Variants in CKAP5 observed in about 807,000 individuals in gnomAD.
CKAP5 encodes the protein cytoskeleton-associated protein 5.
A neutral mutation model predicts 232.8 loss-of-function variants in CKAP5; 27 were observed. The ratio of observed to expected loss-of-function variants is 0.12; its 90% confidence interval spans 0.09 to 0.16. The LOEUF is 0.16. CKAP5 is among the 10% of genes least tolerant of loss of function. The pLI, the probability that CKAP5 is intolerant of heterozygous loss-of-function variation, is 1.00. For missense variants in CKAP5, 1,838 were observed against 2,424.7 expected (o/e 0.76, Z 5.08); for synonymous variants, 785 against 841.1 (o/e 0.93, Z 1.16).
intron 17 of CKAP5, 29 bp downstream of exon 17, chr11:46,784,459 T>C (rs994632477): frequency 6.4e-7 from 1 of 1,553,698 alleles, no homozygotes; most frequent in African/African-American, 1.4e-5. Flanking sequence ...TTGGGAAAAC[T>C]AGAGGAATAA....
intron 42 of CKAP5, among the ~76,000 whole-genome samples, chr11:46,748,694 G>A (rs749460206): frequency 1.3e-5 from 2 of 151,884 alleles, no homozygotes; most frequent in Non-Finnish European, 2.9e-5. Context: ...GCTTAAACCC[G>A]GGAGGTGGAG....
rs552811223 is a variant in CKAP5, at chr11:46,779,397, T to C, written c.2433+797A>G. 3.9e-5 allele frequency among the ~76,000 whole-genome samples: 6 copies of C among 152,234 alleles called. No homozygotes were observed. In the South Asian group the frequency reaches 1.2e-3, roughly 32 times the overall value. On this transcript the variant is annotated intron_variant, in intron 20 of 43. Transcript: ENST00000529230. The stretch of plus-strand genomic sequence containing the variant: ...ATCTGCCCGCCTTGGCCTCCCAAAG[T>C]GATGGGATTACAGGCGTGAGCCACC...
At chr11:46,777,325 T>C (rs1017953305) in intron 23 of CKAP5, 114 bp downstream of exon 23, 8 of 606,202 alleles carry the variant, frequency 1.3e-5, no homozygotes, top group Admixed American at 3.1e-5. Context: ...AATATTTTCA[T>C]CTTTATAAAG....
intron 23 of CKAP5, among the ~76,000 whole-genome samples, chr11:46,776,618 A>AAATT (rs1184217714): frequency 5.3e-5 from 8 of 152,232 alleles, no homozygotes; most frequent in African/African-American, 1.9e-4. Flanking sequence ...TAATCAGGCA[A>AAATT]AACAGTGAGT....
intron 8 of CKAP5, among the ~76,000 whole-genome samples, chr11:46,805,925 G>A (rs1053640234): frequency 2.0e-5 from 3 of 151,992 alleles, no homozygotes; most frequent in Admixed American, 6.6e-5. Context: ...CAACAATAAC[G>A]AAACTCCATC....
chr11:46,840,700 CCTCACCCTATAT>C (rs1375842032), intron 1 of CKAP5, among the ~76,000 whole-genome samples: 1 of 152,190 alleles, frequency 6.6e-6, no homozygotes, highest in Non-Finnish European at 1.5e-5. Flanking sequence ...TTCCCCTATA[CCTCACCCTATAT>C]AGCTCTTTGT....
At position 46,803,063 on chromosome 11, in the gene CKAP5, A is replaced by C. The variant is rs895652910; in HGVS notation, c.979-1759T>G. Among the ~76,000 whole-genome samples the C allele has an allele frequency of 9.2e-5, 14 of 151,986 alleles. No individual in the cohort carries two copies. The East Asian group carries it at 2.4e-3, about 26-fold the overall frequency. ...AGGATCGCTTGAGCCCAGGAGTTCA[A>C]GACCAACCTGGGCAACATAGCGAAA... On this transcript the variant is annotated intron_variant, in intron 8 of 43. Transcript: ENST00000529230.
chr11:46,767,796 GTT>G, intron 26 of CKAP5, 133 bp from the exon 27 acceptor site: 2 of 485,770 alleles, frequency 4.1e-6, no homozygotes, highest in East Asian at 3.7e-5. Context: ...TTTTCAGTTA[GTT>G]TTTTTTTTAT....
chr11:46,781,041 C>T (rs534083400), intron 18 of CKAP5, among the ~76,000 whole-genome samples: 63 of 152,298 alleles, frequency 4.1e-4, no homozygotes, highest in African/African-American at 1.4e-3. Context: ...AGATTCACAT[C>T]ATCCAGCTGC....
chr11:46,752,643 C>G lies in CKAP5; in HGVS notation c.5125G>C (p.Val1709Leu), dbSNP rs768101459. ...TASSPKFSEL[V>L]MKCLWRMVRL... ...AATCATTTCAACTTCACCTTCATAA[C>G]AAGCTCTGAGAATTTGGGAGAACTG... The change falls in exon 38 of 44, where the codon GTT (valine) becomes CTT (leucine). Residue 1709 changes from valine to leucine, a missense_variant. Physicochemically the swap from Val to Leu is conservative, Grantham distance 32. This residue lies in a region of CKAP5 where 579 missense variants were observed against 843.2 expected (regional missense o/e 0.69). Coordinates refer to ENST00000529230, the MANE Select transcript of CKAP5 (RefSeq NM_001008938.4). 2.5e-6 allele frequency: 4 copies of G among 1,611,828 alleles called. No homozygotes were observed. In the South Asian group the frequency reaches 4.4e-5, roughly 18 times the overall value.
At chr11:46,829,018 T>C (rs931950119) in intron 1 of CKAP5, among the ~76,000 whole-genome samples, 1 of 152,250 alleles carries the variant, frequency 6.6e-6, no homozygotes, top group Non-Finnish European at 1.5e-5. Flanking sequence ...TTTTATACTA[T>C]TGTTTTTTAC....
At chr11:46,753,255 G>A in intron 37 of CKAP5, 55 bp downstream of exon 37, 3 of 1,410,456 alleles carry the variant, frequency 2.1e-6, no homozygotes, top group Middle Eastern at 1.9e-4. Context: ...TGGTTTCTAA[G>A]TGTAAACAAA....
chr11:46,761,526 G>A (rs2065155110), intron 32 of CKAP5, among the ~76,000 whole-genome samples: 1 of 152,104 alleles, frequency 6.6e-6, no homozygotes, highest in African/African-American at 2.4e-5. Context: ...AACTGAAGAC[G>A]GAGGTCCAGA....
chr11:46,820,965 A>G lies in CKAP5; in HGVS notation c.57+210T>C. 5.7e-6 allele frequency: 3 copies of G among 525,580 alleles called. No individual in the cohort carries two copies. The South Asian group carries it at 7.8e-5, about 14-fold the overall frequency. 32.6% of individuals were successfully genotyped at this position (525,580 alleles called of 1,614,324 possible). On this transcript the variant is annotated intron_variant, in intron 2 of 43. Transcript: ENST00000529230. ...ATACCACTTACTTTTCACTTCACTA[A>G]TATCTTTTCTTTGAATTCTTTCCAG...
chr11:46,744,649 C>T, intron 42 of CKAP5, 72 bp from the exon 43 acceptor site: 1 of 1,387,074 alleles, frequency 7.2e-7, no homozygotes, highest in East Asian at 2.3e-5. Flanking sequence ...TGGTTAATCT[C>T]CCACCAAAAA....
At chr11:46,811,199 A>G in intron 4 of CKAP5, 21 bp from the exon 5 acceptor site, 1 of 1,601,126 alleles carries the variant, frequency 6.2e-7, no homozygotes, top group Non-Finnish European at 8.5e-7. Context: ...AAAATTGGGA[A>G]AAAACTGTCA....
In CKAP5 at chr11:46,750,222, G is replaced by A. The variant is rs144924595; in HGVS notation, c.5704+52C>T. 5.2e-3 allele frequency: 8,130 copies of A among 1,562,042 alleles called. 38 individuals carry two copies. Among genetic ancestry groups the A allele is most frequent in the South Asian group, 7.9e-3 (676 of 85,280 alleles). On this transcript the variant is annotated intron_variant, in intron 42 of 43. Transcript: ENST00000529230. ...AAACTAACCAAAACTTCAGGTTCCT[G>A]TGCTAGGAGCTATTTTGAGCTTATT...
rs1165738671 is a variant in CKAP5, at chr11:46,762,726, G to A, written c.3928C>T (p.Arg1310Cys). The change falls in exon 31 of 44, where the codon CGT becomes TGT. Residue 1310 changes from arginine (R) to cysteine (C), a missense_variant. By Grantham distance (180) the Arg-to-Cys change is radical. Around this residue, in one of 6 missense-constraint regions of CKAP5, gnomAD observed 579 missense variants for 843.2 expected, o/e 0.69. Transcript: ENST00000529230. ...EPKDVIRKDVRAILNRMCLVY... is the reference protein window; with the variant it reads ...EPKDVIRKDVCAILNRMCLVY... ...AGGCACATCCGGTTCAGGATGGCAC[G>A]AACATCTTTACGAATGACATCCTTT... 1 of 1,613,804 alleles carries A rather than the reference G, an allele frequency of 6.2e-7. No individual in the cohort carries two copies. Among genetic ancestry groups the A allele is most frequent in the Non-Finnish European group, 8.5e-7 (1 of 1,179,744 alleles).
Position 46,784,558 on chromosome 11 carries a change from C to T in CKAP5, c.2084G>A (p.Cys695Tyr). ...CATAGCTTCTTTTGCATTGTTCCCACATTTCACATCTCCAATCTTGTCCAC... is the reference window on the plus strand; with the variant it reads ...CATAGCTTCTTTTGCATTGTTCCCATATTTCACATCTCCAATCTTGTCCAC... ...GLVDKIGDVK[C>Y]GNNAKEAMTA... The change falls in exon 17 of 44, where the codon TGT (cysteine) becomes TAT (tyrosine). Residue 695 changes from cysteine (C) to tyrosine (Y), a missense_variant. Physicochemically the swap from Cys to Tyr is radical, Grantham distance 194. Transcript: ENST00000529230. The T allele has an allele frequency of 6.2e-7, 1 of 1,614,096 alleles. No homozygotes were observed. The highest frequency in any genetic ancestry group is 8.5e-7 in the Non-Finnish European group (1 of 1,179,986).
Sources: gnomAD v4.1 joint callset for allele counts (sites outside exome capture counted in the v4.1 genomes callset) on GRCh38, gnomAD v4.1.1 for gene constraint, gnomAD v4.1.1 regional missense constraint, MANE v1.5 for transcripts, NCBI Gene and HGNC (gene_info 2026-07-23, HGNC 2026-07-21) for gene names.